Variants in HECTD2 observed in about 807,000 individuals in gnomAD.
HECTD2 encodes the protein HECT domain E3 ubiquitin protein ligase 2, also known as probable E3 ubiquitin-protein ligase HECTD2.
HECTD2 carries 35 observed loss-of-function variants against 103.2 expected under a neutral mutation model. The ratio of observed to expected loss-of-function variants is 0.34; its 90% CI spans 0.26 to 0.45. The LOEUF (loss-of-function observed/expected upper bound fraction) is 0.45. HECTD2 is among the 20% of genes least tolerant of loss of function. The probability of loss-of-function intolerance (pLI) is 1.00; values close to 1 mark genes in which losing one functional copy is unlikely to be tolerated. For synonymous variants in HECTD2, 281 were observed against 329.9 expected (o/e 0.85, Z 1.61); for missense variants, 596 against 937.4 (o/e 0.64, Z 4.76).
At chr10:91,469,880 C>T (rs1845663528) in intron 5 of HECTD2, among the ~76,000 whole-genome samples, 1 of 152,158 alleles carries the variant, frequency 6.6e-6, no homozygotes, top group South Asian at 2.1e-4. Context: ...GGAGAAAGCT[C>T]TAGCAAGAAC....
intron 16 of HECTD2, among the ~76,000 whole-genome samples, chr10:91,498,497 A>G (rs528363198): frequency 6.6e-6 from 1 of 152,316 alleles, no homozygotes; most frequent in South Asian, 2.1e-4. Context: ...AGAAGCTAGG[A>G]GTAGAAACTA....
In HECTD2 at chr10:91,478,730, T is replaced by A. The variant is rs1845992332; in HGVS notation, c.665+465T>A. 2.0e-5 allele frequency among the ~76,000 whole-genome samples: 3 copies of A among 151,956 alleles called. 1 individual carries two copies. In the South Asian group the frequency reaches 6.2e-4, roughly 31 times the overall value. On this transcript the variant is annotated intron_variant, in intron 6 of 20. Coordinates refer to ENST00000298068, the MANE Select transcript of HECTD2 (RefSeq NM_182765.6). ...TTCTTATATAAGGAATCATGGGCAATTTAATTGGTAATGTTTTGAACCATG... is the reference window on the plus strand; with the variant it reads ...TTCTTATATAAGGAATCATGGGCAAATTAATTGGTAATGTTTTGAACCATG...
At chr10:91,413,613 A>G (rs542505371) in intron 1 of HECTD2, among the ~76,000 whole-genome samples, 1 of 152,346 alleles carries the variant, frequency 6.6e-6, no homozygotes, top group Admixed American at 6.5e-5. Flanking sequence ...TTGACACTCT[A>G]TATACTGAAT....
At chr10:91,453,049 TCTC>T (rs1042940703) in intron 2 of HECTD2, among the ~76,000 whole-genome samples, 41 of 152,282 alleles carry the variant, frequency 2.7e-4, no homozygotes, top group African/African-American at 8.4e-4. Context: ...AGACTTTTCT[TCTC>T]CTCTTATGTT....
At position 91,445,768 on chromosome 10, in the gene HECTD2, G is replaced by A. The variant is rs558154060; in HGVS notation, c.269-14659G>A. ...AGCAAGGTGAGGCTTTGCCACATCCGGGAAGCACAAGGGATCAGAGAAATC... is the reference window on the plus strand; with the variant it reads ...AGCAAGGTGAGGCTTTGCCACATCCAGGAAGCACAAGGGATCAGAGAAATC... On this transcript the variant is annotated intron_variant, in intron 2 of 20. Coordinates refer to ENST00000298068, the MANE Select transcript of HECTD2 (RefSeq NM_182765.6). Among the ~76,000 whole-genome samples the A allele has an allele frequency of 3.3e-5, 5 of 152,234 alleles. No homozygotes were observed. The East Asian group carries it at 7.7e-4, about 24-fold the overall frequency.
At chr10:91,441,870 A>AGGATT (rs1276673359) in intron 2 of HECTD2, among the ~76,000 whole-genome samples, 1 of 129,754 alleles carries the variant, frequency 7.7e-6, no homozygotes, top group African/African-American at 2.9e-5. Context: ...ATCAGAGACT[A>AGGATT]GGATTGCAAC....
At chr10:91,483,192 T>C (rs188658340) in intron 8 of HECTD2, 116 bp downstream of exon 8, 53 of 456,910 alleles carry the variant, frequency 1.2e-4, no homozygotes, top group Non-Finnish European at 1.6e-4. Flanking sequence ...ATGATGCTTA[T>C]ATTCACAATG....
At chr10:91,497,587 G>A (rs570388921) in intron 15 of HECTD2, among the ~76,000 whole-genome samples, 3 of 151,134 alleles carry the variant, frequency 2.0e-5, no homozygotes, top group Non-Finnish European at 4.4e-5. Context: ...GGGATTACAG[G>A]CATGAGCCAC....
intron 2 of HECTD2, among the ~76,000 whole-genome samples, chr10:91,427,739 T>G (rs1843631893): frequency 6.6e-6 from 1 of 152,210 alleles, no homozygotes; most frequent in Non-Finnish European, 1.5e-5. Flanking sequence ...TTGTAGATTC[T>G]GGATATTAGC....
Position 91,500,594 on chromosome 10 carries a change from T to C in HECTD2, c.2043T>C (p.Tyr681=). 6.2e-7 allele frequency: 1 copy of C among 1,600,512 alleles called. No homozygotes were observed. Among genetic ancestry groups the C allele is most frequent in the Non-Finnish European group, 8.6e-7 (1 of 1,167,804 alleles). ...AGAGAAGTACTCAGTATGATGGCTA[T>C]GCAAAAACGGACTTAACTATAAAGT... ...ALQRSTQYDG[Y]AKTDLTIKYF... Residue 681 remains tyrosine (Y), a synonymous_variant, in exon 19 of 21, where the codon TAT becomes TAC. Coordinates refer to ENST00000298068, the MANE Select transcript of HECTD2 (RefSeq NM_182765.6).
chr10:91,509,984 A>G (rs1444118028), intron 20 of HECTD2, among the ~76,000 whole-genome samples: 3 of 152,168 alleles, frequency 2.0e-5, no homozygotes, highest in African/African-American at 7.2e-5. Context: ...GCAGTTAATG[A>G]AGAAGAGGAT....
At chr10:91,429,339 C>G (rs1312178484) in intron 2 of HECTD2, among the ~76,000 whole-genome samples, 1 of 152,014 alleles carries the variant, frequency 6.6e-6, no homozygotes, top group African/African-American at 2.4e-5. Context: ...CTAAAATTCT[C>G]CTTTTTGGTT....
chr10:91,479,316 CT>C (rs966124008), intron 6 of HECTD2, among the ~76,000 whole-genome samples: 2 of 151,994 alleles, frequency 1.3e-5, no homozygotes, highest in African/African-American at 4.8e-5. Flanking sequence ...TAATGTATGT[CT>C]TTTTAGTTTC....
chr10:91,469,958 A>G (rs1277093509), intron 5 of HECTD2, among the ~76,000 whole-genome samples: 1 of 152,212 alleles, frequency 6.6e-6, no homozygotes, highest in African/African-American at 2.4e-5. Flanking sequence ...TAAACCAACA[A>G]CAATCAAAAA....
intron 20 of HECTD2, 37 bp downstream of exon 20, chr10:91,501,371 G>A (rs766172294): frequency 8.9e-6 from 12 of 1,353,032 alleles, no homozygotes; most frequent in Admixed American, 7.9e-5. Flanking sequence ...TAAATCTAAA[G>A]GTTACTGCTA....
chr10:91,462,018 G>T, intron 4 of HECTD2, 77 bp from the exon 5 acceptor site: 1 of 1,073,280 alleles, frequency 9.3e-7, no homozygotes, highest in Non-Finnish European at 1.4e-6. Context: ...AATTATGAAG[G>T]AATAGTATGG....
chr10:91,451,767 A>G (rs1460333177), intron 2 of HECTD2, among the ~76,000 whole-genome samples: 1 of 152,264 alleles, frequency 6.6e-6, no homozygotes, highest in African/African-American at 2.4e-5. Flanking sequence ...AGAGCCAAGG[A>G]TAGATGCTTG....
At chr10:91,427,670 C>A (rs957288999) in intron 2 of HECTD2, among the ~76,000 whole-genome samples, 11 of 152,066 alleles carry the variant, frequency 7.2e-5, no homozygotes, top group African/African-American at 2.7e-4. Flanking sequence ...CTGCTCATAT[C>A]CTTTGCCCAC....
At chr10:91,491,100 G>T in intron 11 of HECTD2, 100 bp from the exon 12 acceptor site, 1 of 575,866 alleles carries the variant, frequency 1.7e-6, no homozygotes, top group South Asian at 2.1e-5. Context: ...ATAAGAAATG[G>T]CATAGATAAT....
Sources: gnomAD v4.1 joint callset for allele counts (sites outside exome capture counted in the v4.1 genomes callset) on GRCh38, gnomAD v4.1.1 for gene constraint, MANE v1.5 for transcripts, NCBI Gene and HGNC (gene_info 2026-07-23, HGNC 2026-07-21) for gene names.